The following SPAST variants were observed in gnomAD, a reference collection of about 807,000 sequenced individuals.
SPAST encodes spastic paraplegia 4 (autosomal dominant; spastin).
A neutral mutation model predicts 76.6 loss-of-function variants in SPAST; 30 were observed. The observed-to-expected ratio is 0.39, with a 90% CI of 0.29 to 0.53. The LOEUF is 0.53. SPAST is among the 20% of genes least tolerant of loss of function. SPAST has a pLI of 0.68. For synonymous variants in SPAST, 305 were observed against 281.0 expected (o/e 1.09, Z -0.86); for missense variants, 717 against 770.5 (o/e 0.93, Z 0.82).
intron 4 of SPAST, among the ~76,000 whole-genome samples, chr2:32,102,206 G>C (rs1678152528): frequency 6.6e-6 from 1 of 152,096 alleles, no homozygotes; most frequent in South Asian, 2.1e-4. Flanking sequence ...TTGTAAGTTG[G>C]ATTCCTAGGT....
rs1680194543 is a variant in SPAST, at chr2:32,154,595, G to A, written c.*99G>A. ...GCTACAGAAACAGCCTAAGTTTACA[G>A]GACTTTTTAGAGTCTTACATATTTG... On this transcript the variant is annotated 3_prime_UTR_variant, in exon 17 of 17. Coordinates refer to ENST00000315285, the MANE Select transcript of SPAST (RefSeq NM_014946.4). 1 of 1,237,622 alleles carries A rather than the reference G, an allele frequency of 8.1e-7. No homozygotes were observed. The highest frequency in any genetic ancestry group is 1.2e-6 in the Non-Finnish European group (1 of 849,690). The allele number at this position is 1,237,622 out of a possible 1,614,324, so 76.7% of individuals were successfully genotyped here. A position where few individuals can be genotyped will look rare whatever the true frequency, so the allele number is the denominator to read the frequency against.
intron 1 of SPAST, among the ~76,000 whole-genome samples, chr2:32,080,783 CTTTTTTTTTTTTTTTT>C (rs1162817708): frequency 8.9e-4 from 43 of 48,448 alleles, no homozygotes; most frequent in East Asian, 7.4e-4. Flanking sequence ...TGGCTCAGTT[CTTTTTTTTTTTTTTTT>C]TTTTTTTTTT....
At chr2:32,122,377 C>T (rs1679049274) in intron 7 of SPAST, among the ~76,000 whole-genome samples, 1 of 152,000 alleles carries the variant, frequency 6.6e-6, no homozygotes, top group Admixed American at 6.6e-5. Flanking sequence ...GCTGGAGTGC[C>T]TTAGCATGAT....
chr2:32,072,870 C>T (rs1676808085), intron 1 of SPAST, among the ~76,000 whole-genome samples: 1 of 152,184 alleles, frequency 6.6e-6, no homozygotes, highest in Admixed American at 6.5e-5. Context: ...AATGATTCTA[C>T]TTTGAAGTTT....
chr2:32,093,691 G>A (rs1677811462), intron 3 of SPAST, among the ~76,000 whole-genome samples: 1 of 152,252 alleles, frequency 6.6e-6, no homozygotes, highest in South Asian at 2.1e-4. Flanking sequence ...GCCTACAACA[G>A]TGTCTAGCAC....
At chr2:32,089,394 T>C (rs1573072552) in intron 2 of SPAST, 128 bp from the exon 3 acceptor site, 1 of 609,218 alleles carries the variant, frequency 1.6e-6, no homozygotes, top group Non-Finnish European at 2.9e-6. Flanking sequence ...TACATTTTCT[T>C]CTTTTTTTTA....
At chr2:32,141,140 C>T (rs562105930) in intron 12 of SPAST, among the ~76,000 whole-genome samples, 42 of 152,046 alleles carry the variant, frequency 2.8e-4, no homozygotes, top group African/African-American at 9.9e-4. Flanking sequence ...GAAGCCCTAC[C>T]TAATAATGAA....
At chr2:32,104,547 C>T (rs578145403) in intron 4 of SPAST, among the ~76,000 whole-genome samples, 14 of 152,240 alleles carry the variant, frequency 9.2e-5, no homozygotes, top group Non-Finnish European at 1.0e-4. Context: ...TTCCTAGCCT[C>T]GATGGTCTTT....
At chr2:32,105,911 G>T (rs1358031686) in intron 4 of SPAST, among the ~76,000 whole-genome samples, 1 of 152,200 alleles carries the variant, frequency 6.6e-6, no homozygotes, top group East Asian at 1.9e-4. Context: ...GGGGATCAGG[G>T]ACCCACTTGA....
At chr2:32,110,506 ATAGTATATATATACTATATAGTGT>A (rs1374427696) in intron 4 of SPAST, among the ~76,000 whole-genome samples, 9 of 56,956 alleles carry the variant, frequency 1.6e-4, no homozygotes, top group African/African-American at 5.1e-4. Flanking sequence ...TATAGTATAT[ATAGTATATATATACTATATAGTGT>A]GTATATATAG....
At chr2:32,100,977 G>A (rs1678097636) in intron 4 of SPAST, among the ~76,000 whole-genome samples, 1 of 152,192 alleles carries the variant, frequency 6.6e-6, no homozygotes. Context: ...TATATACCCA[G>A]TAATGGGATG....
chr2:32,140,350 C>A (rs936550845), intron 12 of SPAST, among the ~76,000 whole-genome samples: 1 of 152,184 alleles, frequency 6.6e-6, no homozygotes, highest in Non-Finnish European at 1.5e-5. Flanking sequence ...TAAGCTCTTA[C>A]ATTTCACTGG....
intron 16 of SPAST, among the ~76,000 whole-genome samples, chr2:32,150,434 A>G (rs1016090006): frequency 6.7e-6 from 1 of 150,234 alleles, no homozygotes; most frequent in South Asian, 2.1e-4. Flanking sequence ...ATTTAATTTA[A>G]TTTATTTTTA....
chr2:32,115,868 A>C lies in SPAST; in HGVS notation c.1004+33A>C, dbSNP rs1013783405. 3 of 1,524,426 alleles carry C rather than the reference A, an allele frequency of 2.0e-6. No individual in the cohort carries two copies. The African/African-American group carries it at 4.2e-5, about 21-fold the overall frequency. The allele number at this position is 1,524,426 out of a possible 1,614,324, so 94.4% of individuals were successfully genotyped here. ...TTGCCATCTAAATGTTTTATTTTAT[A>C]GTTTTTATATTTTAATTTTACTTAT... On this transcript the variant is annotated intron_variant, in intron 6 of 16. Coordinates refer to ENST00000315285, the MANE Select transcript of SPAST (RefSeq NM_014946.4).
At chr2:32,115,295 T>G (rs549624100) in intron 5 of SPAST, among the ~76,000 whole-genome samples, 1 of 152,278 alleles carries the variant, frequency 6.6e-6, no homozygotes, top group African/African-American at 2.4e-5. Context: ...AAACTTTTTT[T>G]GGACCTCATT....
At chr2:32,085,298 C>T (rs916672274) in intron 1 of SPAST, among the ~76,000 whole-genome samples, 6 of 145,700 alleles carry the variant, frequency 4.1e-5, no homozygotes, top group Non-Finnish European at 7.5e-5. Flanking sequence ...CTTAGTGCAA[C>T]TTCTACCTCT....
intron 1 of SPAST, among the ~76,000 whole-genome samples, chr2:32,077,164 G>A (rs929059099): frequency 3.3e-5 from 5 of 152,110 alleles, no homozygotes; most frequent in South Asian, 4.1e-4. Flanking sequence ...GTGAGCCACC[G>A]CGCCCGGCTT....
Position 32,118,798 on chromosome 2 carries a change from CG to C in SPAST, c.1098+2588del, listed in dbSNP as rs374982791. Among the ~76,000 whole-genome samples the C allele has an allele frequency of 5.0e-3, 767 of 152,076 alleles. 5 individuals carry two copies. The highest frequency in any genetic ancestry group is 0.017 in the African/African-American group (707 of 41,486). On this transcript the variant is annotated intron_variant, in intron 7 of 16. Transcript: ENST00000315285. ...TATTTATTAAGGGACATGCTTTTTACGGTAGAAAAATATATCTAAAATTGTG... is the reference window on the plus strand; with the variant it reads ...TATTTATTAAGGGACATGCTTTTTACGTAGAAAAATATATCTAAAATTGTG...
Position 32,070,365 on chromosome 2 carries a change from A to T in SPAST, c.415+6119A>T, listed in dbSNP as rs372772104. On this transcript the variant is annotated intron_variant, in intron 1 of 16. Coordinates refer to ENST00000315285, the MANE Select transcript of SPAST (RefSeq NM_014946.4). ...TTACAGGTATGACCCACTGCACCCA[A>T]CCCATACTCAAATTTGACACTGAAT... 5.9e-5 allele frequency among the ~76,000 whole-genome samples: 9 copies of T among 152,166 alleles called. No homozygotes were observed. In the East Asian group the frequency reaches 1.7e-3, roughly 29 times the overall value.
Sources: allele counts gnomAD v4.1 joint callset (sites outside exome capture counted in the v4.1 genomes callset), GRCh38; gene constraint gnomAD v4.1.1; transcripts MANE v1.5; gene names NCBI Gene and HGNC (gene_info 2026-07-23, HGNC 2026-07-21).